LRRC37A2: variants seen among roughly 807,000 people sequenced by gnomAD.
The protein encoded by LRRC37A2 is leucine-rich repeat-containing protein 37A2.
LRRC37A2 carries 9 observed loss-of-function variants against 68.8 expected under a neutral mutation model. That is an observed-to-expected ratio of 0.13 (90% CI 0.08 to 0.23). The LOEUF is 0.23. Among genes scored for constraint, LRRC37A2 ranks in the 10% least tolerant of loss-of-function variants. The pLI, the probability that LRRC37A2 is intolerant of heterozygous loss-of-function variation, is 1.00. For synonymous variants in LRRC37A2, 63 were observed against 367.6 expected (o/e 0.17, Z 9.48); for missense variants, 168 against 950.4 (o/e 0.18, Z 10.82).
At chr17:46,489,646 C>T in the LRRC37A2 span, among the ~76,000 whole-genome samples, 5 of 147,908 alleles carry the variant, frequency 3.4e-5, no homozygotes, top group African/African-American at 2.6e-5. Flanking sequence ...CCACCATACC[C>T]GGCTTATTTT....
chr17:46,976,656 G>C, the LRRC37A2 span, among the ~76,000 whole-genome samples: 1 of 152,174 alleles, frequency 6.6e-6, no homozygotes, highest in Non-Finnish European at 1.5e-5. Context: ...AGTTCTCGCA[G>C]TGTTCGCCCT....
At chr17:46,678,614 T>C in the LRRC37A2 span, among the ~76,000 whole-genome samples, 1 of 115,176 alleles carries the variant, frequency 8.7e-6, no homozygotes, top group Non-Finnish European at 1.8e-5. Context: ...TAGAACTTTC[T>C]AAAACTGATG....
the LRRC37A2 span, among the ~76,000 whole-genome samples, chr17:46,865,652 G>A: frequency 6.6e-6 from 1 of 152,154 alleles, no homozygotes; most frequent in Non-Finnish European, 1.5e-5. Context: ...GTCTCACTCT[G>A]TCACCCAGGC....
chr17:46,859,989 T>C, the LRRC37A2 span, among the ~76,000 whole-genome samples: 1 of 152,176 alleles, frequency 6.6e-6, no homozygotes. Context: ...TTTTAGAAAT[T>C]GAATTGGGGC....
chr17:46,823,381 A>AT, the LRRC37A2 span, among the ~76,000 whole-genome samples: 1 of 149,888 alleles, frequency 6.7e-6, no homozygotes, highest in Non-Finnish European at 1.5e-5. Flanking sequence ...CGCCTGACTA[A>AT]TTTTTTGTAT....
At chr17:46,835,019 G>A in the LRRC37A2 span, among the ~76,000 whole-genome samples, 1 of 152,114 alleles carries the variant, frequency 6.6e-6, no homozygotes, top group Admixed American at 6.6e-5. Context: ...TCTGGAGACA[G>A]GATCTCGCTC....
chr17:46,785,263 C>T, the LRRC37A2 span, among the ~76,000 whole-genome samples: 3 of 152,262 alleles, frequency 2.0e-5, no homozygotes, highest in East Asian at 1.9e-4. Flanking sequence ...CACGTTGCCT[C>T]GGCTTAACTC....
chr17:47,002,794 A>G, the LRRC37A2 span, among the ~76,000 whole-genome samples: 1 of 152,020 alleles, frequency 6.6e-6, no homozygotes, highest in Non-Finnish European at 1.5e-5. Flanking sequence ...GTACCCATTA[A>G]CCATCCCCAC....
the LRRC37A2 span, chr17:46,833,031 A>T: frequency 6.8e-6 from 2 of 292,124 alleles, no homozygotes; most frequent in African/African-American, 2.2e-5. Flanking sequence ...GCACTTGGGG[A>T]CTGTCCCTGC....
chr17:46,976,303 C>T, the LRRC37A2 span, among the ~76,000 whole-genome samples: 1 of 151,142 alleles, frequency 6.6e-6, no homozygotes, highest in East Asian at 2.0e-4. Flanking sequence ...GAGGCCGAGG[C>T]GGGTGGATCA....
At chr17:46,940,350 G>A in the LRRC37A2 span, 1 of 1,480,248 alleles carries the variant, frequency 6.8e-7, no homozygotes, top group Non-Finnish European at 9.0e-7. Context: ...ATGGGTTGGG[G>A]CCCTGCCAGA....
chr17:46,778,948 G>GC, the LRRC37A2 span, among the ~76,000 whole-genome samples: 1 of 152,048 alleles, frequency 6.6e-6, no homozygotes, highest in Non-Finnish European at 1.5e-5. Context: ...ATCCCAAAGT[G>GC]CTGAACTGAT....
the LRRC37A2 span, among the ~76,000 whole-genome samples, chr17:46,822,585 C>T: frequency 6.6e-6 from 1 of 152,236 alleles, no homozygotes; most frequent in South Asian, 2.1e-4. Flanking sequence ...CCGCTCCCTG[C>T]GGGCCCGGCA....
At chr17:46,788,003 C>T in the LRRC37A2 span, among the ~76,000 whole-genome samples, 2 of 151,698 alleles carry the variant, frequency 1.3e-5, no homozygotes, top group East Asian at 3.9e-4. Flanking sequence ...CCTCAGTGAC[C>T]CCACCTCAGT....
the LRRC37A2 span, chr17:46,773,837 C>A: frequency 1.2e-6 from 2 of 1,613,288 alleles, no homozygotes; most frequent in Non-Finnish European, 1.7e-6. Context: ...GCTTGGGGAC[C>A]AGGCCTGGGA....
At chr17:46,928,174 C>T in the LRRC37A2 span, among the ~76,000 whole-genome samples, 1 of 152,114 alleles carries the variant, frequency 6.6e-6, no homozygotes, top group Non-Finnish European at 1.5e-5. Flanking sequence ...TTCTCAGGGC[C>T]ACAGGTCTTG....
chr17:46,816,449 C>T, the LRRC37A2 span, among the ~76,000 whole-genome samples: 1 of 144,042 alleles, frequency 6.9e-6, no homozygotes, highest in Non-Finnish European at 1.5e-5. Flanking sequence ...GAAAACACCT[C>T]TTAGGGTCAT....
the LRRC37A2 span, among the ~76,000 whole-genome samples, chr17:46,956,011 A>T: frequency 1.3e-5 from 2 of 152,310 alleles, no homozygotes; most frequent in East Asian, 3.9e-4. Flanking sequence ...AAATCTTTCC[A>T]TGCCCCATGG....
chr17:46,760,740 TA>T, the LRRC37A2 span, among the ~76,000 whole-genome samples: 2 of 151,986 alleles, frequency 1.3e-5, no homozygotes, highest in African/African-American at 2.4e-5. Context: ...TGAAATGCTC[TA>T]AAATCTAAAA....
Sources: gnomAD v4.1 joint callset for allele counts (sites outside exome capture counted in the v4.1 genomes callset) on GRCh38, gnomAD v4.1.1 for gene constraint, MANE v1.5 for transcripts, NCBI Gene and HGNC (gene_info 2026-07-23, HGNC 2026-07-21) for gene names.